Variants in PCDH15 observed in about 807,000 individuals in gnomAD.
The protein encoded by PCDH15 is protocadherin-15.
In PCDH15, 129 loss-of-function variants were observed where a neutral mutation model predicts 178.5. The ratio of observed to expected loss-of-function variants is 0.72; its 90% CI spans 0.63 to 0.84. The LOEUF (loss-of-function observed/expected upper bound fraction) is 0.84. PCDH15 is among the 40% of genes least tolerant of loss of function. The probability of loss-of-function intolerance (pLI) is 0.00; values close to 1 mark genes in which losing one functional copy is unlikely to be tolerated. For missense variants in PCDH15, 2,230 were observed against 2,099.9 expected (o/e 1.06, Z -1.21); for synonymous variants, 800 against 732.0 (o/e 1.09, Z -1.50).
chr10:54,473,464 C>T (rs1321804169), intron 3 of PCDH15, among the ~76,000 whole-genome samples: 3 of 152,006 alleles, frequency 2.0e-5, no homozygotes, highest in Admixed American at 1.3e-4. Flanking sequence ...TGAATTTTCT[C>T]GTCTGTCTCT....
chr10:54,922,403 T>A (rs866382528), intron 2 of PCDH15, among the ~76,000 whole-genome samples: 12 of 152,172 alleles, frequency 7.9e-5, no homozygotes, highest in Admixed American at 2.6e-4. Flanking sequence ...ATAGGCCCTA[T>A]GCAATTCCAA....
chr10:54,742,439 T>C (rs11004532), intron 1 of PCDH15, among the ~76,000 whole-genome samples: 19,093 of 152,002 alleles, frequency 0.13, 1,357 homozygotes, highest in African/African-American at 0.18. Context: ...GGTAAATGTA[T>C]CTACCTAAAT....
chr10:55,030,932 T>A, intron 2 of PCDH15, among the ~76,000 whole-genome samples: 1 of 152,204 alleles, frequency 6.6e-6, no homozygotes. Flanking sequence ...AATACATTAA[T>A]TAAATACAAT....
At chr10:55,005,587 T>G (rs1839909700) in intron 2 of PCDH15, among the ~76,000 whole-genome samples, 1 of 152,122 alleles carries the variant, frequency 6.6e-6, no homozygotes, top group Non-Finnish European at 1.5e-5. Flanking sequence ...TTTTTCCCAG[T>G]CACCCAGCTA....
chr10:55,621,371 C>T (rs762318469), intron 2 of PCDH15, among the ~76,000 whole-genome samples: 3 of 152,128 alleles, frequency 2.0e-5, no homozygotes, highest in Non-Finnish European at 4.4e-5. Flanking sequence ...ACCACACTGC[C>T]AACAGAGCAA....
At chr10:54,943,686 T>G (rs912437525) in intron 2 of PCDH15, among the ~76,000 whole-genome samples, 1 of 151,884 alleles carries the variant, frequency 6.6e-6, no homozygotes, top group Non-Finnish European at 1.5e-5. Context: ...TCAACATCCT[T>G]TGTACCAATG....
chr10:54,818,746 T>G (rs1487031805), intron 3 of PCDH15, among the ~76,000 whole-genome samples: 1 of 151,910 alleles, frequency 6.6e-6, no homozygotes, highest in Non-Finnish European at 1.5e-5. Context: ...CTGACTGAAA[T>G]GGAATTAGAG....
At chr10:54,804,948 T>TATATATATATATATATATATATAC (rs905516559), upstream of PCDH15, among the ~76,000 whole-genome samples, 1,617 of 126,772 alleles carry the variant, frequency 0.013, 110 homozygotes, top group East Asian at 0.029. Flanking sequence ...TATATATATA[T>TATATATATATATATATATATATAC]ACAGAGTTTG....
At chr10:55,616,055 G>A (rs766818042) in intron 2 of PCDH15, among the ~76,000 whole-genome samples, 10 of 152,156 alleles carry the variant, frequency 6.6e-5, no homozygotes, top group Non-Finnish European at 8.8e-5. Context: ...TCAGAATGCT[G>A]TATCTAAGTG....
At chr10:53,853,059 C>G (rs1195600737) in intron 28 of PCDH15, among the ~76,000 whole-genome samples, 1 of 152,000 alleles carries the variant, frequency 6.6e-6, no homozygotes, top group East Asian at 1.9e-4. Context: ...CTACCACTTC[C>G]ATCTACTAAT....
At chr10:55,526,692 G>A (rs771463824) in intron 2 of PCDH15, among the ~76,000 whole-genome samples, 5 of 151,992 alleles carry the variant, frequency 3.3e-5, no homozygotes, top group Non-Finnish European at 5.9e-5. Flanking sequence ...ACACAATCAG[G>A]TTTATAATTT....
chr10:54,838,703 TC>T (rs1183636048), intron 3 of PCDH15, among the ~76,000 whole-genome samples: 74 of 152,216 alleles, frequency 4.9e-4, no homozygotes, highest in African/African-American at 1.6e-3. Context: ...TAGGAGTACA[TC>T]TTCCCACCCT....
At chr10:53,878,181 G>GCACACACACACACA (rs71004486) in intron 26 of PCDH15, among the ~76,000 whole-genome samples, 18 of 124,924 alleles carry the variant, frequency 1.4e-4, no homozygotes, top group Non-Finnish European at 2.3e-4. Context: ...CTATACTATG[G>GCACACACACACACA]CACACACACA....
intron 2 of PCDH15, among the ~76,000 whole-genome samples, chr10:55,053,308 C>T (rs1340065738): frequency 6.6e-6 from 1 of 152,126 alleles, no homozygotes; most frequent in Non-Finnish European, 1.5e-5. Context: ...AATTTCACAG[C>T]ATTTCATTTC....
At chr10:54,787,931 G>A (rs528672343) in intron 1 of PCDH15, among the ~76,000 whole-genome samples, 46 of 151,980 alleles carry the variant, frequency 3.0e-4, no homozygotes, top group African/African-American at 1.1e-3. Context: ...CCGAGAGAGC[G>A]TGAATAAACA....
intron 3 of PCDH15, among the ~76,000 whole-genome samples, chr10:54,861,485 T>C (rs901040122): frequency 6.6e-6 from 1 of 152,048 alleles, no homozygotes; most frequent in Non-Finnish European, 1.5e-5. Context: ...AAAGATTTCC[T>C]AAGAAAAAAG....
At chr10:54,313,218 CTACTT>C (rs2061016740) in intron 8 of PCDH15, among the ~76,000 whole-genome samples, 1 of 152,066 alleles carries the variant, frequency 6.6e-6, no homozygotes, top group Non-Finnish European at 1.5e-5. Context: ...TGCCCAAACA[CTACTT>C]TACAAAGGAT....
intron 25 of PCDH15, among the ~76,000 whole-genome samples, chr10:53,931,310 A>T (rs1028601483): frequency 6.6e-6 from 1 of 152,250 alleles, no homozygotes; most frequent in Non-Finnish European, 1.5e-5. Context: ...CTTAGTTAGC[A>T]GTCAGCCATC....
chr10:55,354,298 G>A (rs1288342313), intron 2 of PCDH15, among the ~76,000 whole-genome samples: 1 of 152,078 alleles, frequency 6.6e-6, no homozygotes, highest in Admixed American at 6.6e-5. Flanking sequence ...TATGTGGAGT[G>A]AGAGTCAAAT....
Sources: allele counts gnomAD v4.1 joint callset (sites outside exome capture counted in the v4.1 genomes callset), GRCh38; gene constraint gnomAD v4.1.1; transcripts MANE v1.5; gene names NCBI Gene and HGNC (gene_info 2026-07-23, HGNC 2026-07-21).